Variants in MARCHF1 observed in about 807,000 individuals in gnomAD.
MARCHF1 encodes the protein E3 ubiquitin-protein ligase MARCHF1.
In MARCHF1, 40 loss-of-function variants were observed where a neutral mutation model predicts 54.2. The ratio of observed to expected loss-of-function variants is 0.74; its 90% CI spans 0.57 to 0.96. The LOEUF (loss-of-function observed/expected upper bound fraction) is 0.96. Ranked by LOEUF, MARCHF1 falls within the 40% of genes least tolerant of loss-of-function variation. The pLI, the probability that MARCHF1 is intolerant of heterozygous loss-of-function variation, is 0.00. For synonymous variants in MARCHF1, 236 were observed against 236.3 expected, an observed-to-expected ratio of 1.00 and a Z score of 0.01; for missense variants, 586 against 656.5, an observed-to-expected ratio of 0.89 and a Z score of 1.17.
chr4:163,624,469 C>A (rs1741799700), intron 5 of MARCHF1, among the ~76,000 whole-genome samples: 1 of 152,142 alleles, frequency 6.6e-6, no homozygotes, highest in Admixed American at 6.6e-5. Context: ...GTCTCACTGC[C>A]TTTTCTCTCT....
intron 4 of MARCHF1, among the ~76,000 whole-genome samples, chr4:163,844,824 A>G (rs1239376753): frequency 2.0e-5 from 3 of 152,226 alleles, no homozygotes; most frequent in Non-Finnish European, 4.4e-5. Context: ...GCAATCTGTA[A>G]TGGACCTGGT....
At chr4:163,888,135 A>G (rs1409553143) in intron 3 of MARCHF1, among the ~76,000 whole-genome samples, 2 of 152,204 alleles carry the variant, frequency 1.3e-5, no homozygotes, top group African/African-American at 4.8e-5. Context: ...GTGTATACCT[A>G]TGTAACAAAC....
At chr4:163,556,137 C>G (rs1215853470) in intron 8 of MARCHF1, among the ~76,000 whole-genome samples, 7 of 152,000 alleles carry the variant, frequency 4.6e-5, no homozygotes, top group Non-Finnish European at 1.0e-4. Flanking sequence ...TAAAGCATCA[C>G]AATGTATCGG....
chr4:163,913,214 G>T (rs114683249), intron 3 of MARCHF1, among the ~76,000 whole-genome samples: 1 of 152,254 alleles, frequency 6.6e-6, no homozygotes, highest in South Asian at 2.1e-4. Flanking sequence ...ATGTGTTTGC[G>T]TTTTGTGTGA....
intron 1 of MARCHF1, among the ~76,000 whole-genome samples, chr4:164,222,243 A>T (rs1163265474): frequency 2.0e-5 from 3 of 151,578 alleles, no homozygotes; most frequent in Non-Finnish European, 4.4e-5. Context: ...TTTTAGAATA[A>T]CAATTGATAT....
chr4:163,640,298 A>G (rs1026281821), intron 5 of MARCHF1, among the ~76,000 whole-genome samples: 2 of 152,144 alleles, frequency 1.3e-5, no homozygotes, highest in African/African-American at 4.8e-5. Context: ...GAGTTAGATG[A>G]GTTAAGAGTT....
At chr4:164,181,417 A>G (rs1044740880) in intron 1 of MARCHF1, among the ~76,000 whole-genome samples, 5 of 152,212 alleles carry the variant, frequency 3.3e-5, no homozygotes, top group African/African-American at 1.2e-4. Flanking sequence ...TTTTTAGCAC[A>G]CACTAAGGCA....
At chr4:163,983,617 T>C (rs571596382) in intron 3 of MARCHF1, among the ~76,000 whole-genome samples, 1 of 152,178 alleles carries the variant, frequency 6.6e-6, no homozygotes, top group Non-Finnish European at 1.5e-5. Context: ...GATTGCTAAA[T>C]GACCTGGTAA....
At chr4:164,215,595 A>T (rs1731907124) in intron 1 of MARCHF1, among the ~76,000 whole-genome samples, 1 of 152,154 alleles carries the variant, frequency 6.6e-6, no homozygotes, top group African/African-American at 2.4e-5. Flanking sequence ...ATTTAAAGGG[A>T]CCATGCCCTT....
At chr4:163,879,221 T>C (rs1750361288) in intron 3 of MARCHF1, among the ~76,000 whole-genome samples, 1 of 152,150 alleles carries the variant, frequency 6.6e-6, no homozygotes. Flanking sequence ...AAGCATGCAG[T>C]GTCCTGGGGA....
chr4:163,773,502 A>G (rs763405752), intron 4 of MARCHF1, among the ~76,000 whole-genome samples: 22 of 152,218 alleles, frequency 1.4e-4, no homozygotes, highest in Non-Finnish European at 3.1e-4. Context: ...TCCATGGGCT[A>G]TAAGGCAAAT....
intron 9 of MARCHF1, 95 bp downstream of exon 9, chr4:163,545,501 A>G: frequency 1.7e-6 from 2 of 1,198,980 alleles, no homozygotes; most frequent in Non-Finnish European, 2.4e-6. Flanking sequence ...TGTATCATAC[A>G]TGATGAAGGC....
At chr4:163,840,010 T>C (rs935797504) in intron 4 of MARCHF1, among the ~76,000 whole-genome samples, 1 of 152,068 alleles carries the variant, frequency 6.6e-6, no homozygotes, top group Admixed American at 6.6e-5. Flanking sequence ...AAAATATCAA[T>C]ATTTGAACAT....
Position 163,986,249 on chromosome 4 carries a change from CTTTTTTTTTTTTT to C in MARCHF1, c.-39+2239_-39+2251del, listed in dbSNP as rs869081083. On this transcript the variant is annotated intron_variant, in intron 3 of 9. Transcript: ENST00000514618. Reference sequence around the variant, plus strand: ...TTCCTTTTCTCCTAATTAACCTCTTCTTTTTTTTTTTTTTTTTTTTTTTTTTTTTTTGAGATGG... The same window carrying C: ...TTCCTTTTCTCCTAATTAACCTCTTCTTTTTTTTTTTTTTTTTTGAGATGG... Among the ~76,000 whole-genome samples the C allele has an allele frequency of 7.5e-3, 217 of 28,888 alleles. 5 individuals carry two copies. The highest frequency in any genetic ancestry group is 0.013 in the Non-Finnish European group (164 of 12,990). The allele number at this position is 28,888 out of a possible 152,430, so 19.0% of individuals were successfully genotyped here. A position where few individuals can be genotyped will look rare whatever the true frequency, so the allele number is the denominator to read the frequency against.
chr4:163,863,293 C>A (rs181547974), intron 3 of MARCHF1, among the ~76,000 whole-genome samples: 1 of 152,016 alleles, frequency 6.6e-6, no homozygotes, highest in Non-Finnish European at 1.5e-5. Context: ...AAGCTAAGTA[C>A]CTTTAGAAAG....
At chr4:164,166,899 TA>T (rs200828829) in intron 1 of MARCHF1, among the ~76,000 whole-genome samples, 7 of 80,580 alleles carry the variant, frequency 8.7e-5, no homozygotes, top group East Asian at 4.4e-4. Flanking sequence ...TTGGTAAAAA[TA>T]AAAAAACAAT....
chr4:164,280,201 A>G (rs925789858), intron 1 of MARCHF1, among the ~76,000 whole-genome samples: 4 of 151,800 alleles, frequency 2.6e-5, no homozygotes, highest in Non-Finnish European at 5.9e-5. Context: ...TGTCAACTTT[A>G]ATTTATTATT....
intron 3 of MARCHF1, among the ~76,000 whole-genome samples, chr4:163,888,416 C>T (rs961437559): frequency 1.3e-5 from 2 of 152,150 alleles, no homozygotes; most frequent in African/African-American, 4.8e-5. Flanking sequence ...GCAAATCCAT[C>T]ACTACTTTGA....
chr4:164,143,457 G>T (rs1294540933), intron 1 of MARCHF1, among the ~76,000 whole-genome samples: 1 of 150,942 alleles, frequency 6.6e-6, no homozygotes, highest in African/African-American at 2.4e-5. Flanking sequence ...AAGCCCATCA[G>T]ACTAACAGCA....
Sources: gnomAD v4.1 joint callset for allele counts (sites outside exome capture counted in the v4.1 genomes callset) on GRCh38, gnomAD v4.1.1 for gene constraint, MANE v1.5 for transcripts, NCBI Gene and HGNC (gene_info 2026-07-23, HGNC 2026-07-21) for gene names.